MYOM2: variants seen among roughly 807,000 people sequenced by gnomAD.
MYOM2 encodes the protein myomesin 2.
In MYOM2, 254 loss-of-function variants were observed where a neutral mutation model predicts 187.6. The observed-to-expected ratio is 1.35, with a 90% CI of 1.22 to 1.50. The LOEUF is 1.50. MYOM2 is among the 40% of genes most tolerant of loss of function. The pLI, the probability that MYOM2 is intolerant of heterozygous loss-of-function variation, is 0.00. For missense variants in MYOM2, 2,796 were observed against 1,924.0 expected, an observed-to-expected ratio of 1.45 and a Z score of -8.48; for synonymous variants, 981 against 753.8, an observed-to-expected ratio of 1.30 and a Z score of -4.94.
At chr8:2,099,345 G>C (rs570989920) in intron 19 of MYOM2, among the ~76,000 whole-genome samples, 1 of 152,216 alleles carries the variant, frequency 6.6e-6, no homozygotes, top group Non-Finnish European at 1.5e-5. Flanking sequence ...AGCAGGCAGA[G>C]AGGGTCACAG....
In MYOM2 at chr8:2,064,153, C is replaced by T. The variant is rs138840567; in HGVS notation, c.653+4908C>T. Among the ~76,000 whole-genome samples, 483 of 152,312 alleles carry T rather than the reference C, an allele frequency of 3.2e-3. 1 individual carries two copies. The highest frequency in any genetic ancestry group is 5.4e-3 in the Non-Finnish European group (369 of 68,026). On this transcript the variant is annotated intron_variant, in intron 6 of 36. Transcript: ENST00000262113. ...GTGGCCGCCCTTCCTCCTGCATCTG[C>T]TCCGTCGTCTGCCCAGGCCCCCTGC...
At chr8:2,131,040 C>T (rs1363643084) in intron 32 of MYOM2, among the ~76,000 whole-genome samples, 1 of 152,186 alleles carries the variant, frequency 6.6e-6, no homozygotes, top group African/African-American at 2.4e-5. Flanking sequence ...AAGGCCACCC[C>T]CCTCTTCAGC....
chr8:2,055,563 A>T (rs562560384), intron 3 of MYOM2, among the ~76,000 whole-genome samples: 2 of 152,284 alleles, frequency 1.3e-5, no homozygotes, highest in African/African-American at 4.8e-5. Context: ...CTAAGGAGAT[A>T]AATCCACATT....
In MYOM2 at chr8:2,116,233, G is replaced by A; in HGVS notation, c.3343G>A (p.Glu1115Lys). 6.2e-7 allele frequency: 1 copy of A among 1,612,110 alleles called. No homozygotes were observed. The highest frequency in any genetic ancestry group is 8.5e-7 in the Non-Finnish European group (1 of 1,179,006). The change falls in exon 27 of 37, where the codon GAA becomes AAA. Residue 1115 changes from glutamate to lysine, a missense_variant. By Grantham distance (56) the Glu-to-Lys change is moderately conservative. Transcript: ENST00000262113. ...GAATTTAGCATTCAAGACTGTGCTG[G>A]AAGAGGCTGAGTTTCAAAGGAAAGA... is the stretch of plus-strand genomic sequence containing the variant. ...LIGDAFKTVL[E>K]EAEFQRKEFL...
At chr8:2,109,923 C>T (rs1347934568) in intron 25 of MYOM2, among the ~76,000 whole-genome samples, 2 of 152,216 alleles carry the variant, frequency 1.3e-5, no homozygotes, top group African/African-American at 4.8e-5. Flanking sequence ...CCCCCACTGA[C>T]AGCTTCCCAT....
intron 31 of MYOM2, among the ~76,000 whole-genome samples, chr8:2,128,703 C>T (rs1797742240): frequency 6.6e-6 from 1 of 152,162 alleles, no homozygotes; most frequent in Non-Finnish European, 1.5e-5. Flanking sequence ...GAGGTGCTCC[C>T]ATCTGCTTGA....
chr8:2,076,117 T>G (rs905615760), intron 10 of MYOM2, 24 bp from the exon 11 acceptor site: 26 of 1,603,628 alleles, frequency 1.6e-5, no homozygotes, highest in Non-Finnish European at 2.1e-5. Flanking sequence ...GACAGGCGTG[T>G]GCCTTTTCTC....
Position 2,069,292 on chromosome 8 carries a change from A to G in MYOM2, c.668A>G (p.Asp223Gly). Residue 223 changes from aspartate (D) to glycine (G), a missense_variant, in exon 7 of 37, where the codon GAC becomes GGC. By Grantham distance (94) the Asp-to-Gly change is moderately conservative. Transcript: ENST00000262113. ...TLEINRADFD[D>G]TATYSAVATN... ...TTCTCTCCAAGGGCAGACTTTGACG[A>G]CACTGCGACATACTCAGCAGTGGCC... The G allele has an allele frequency of 6.2e-7, 1 of 1,612,056 alleles. No individual in the cohort carries two copies. Among genetic ancestry groups the G allele is most frequent in the Non-Finnish European group, 8.5e-7 (1 of 1,178,952 alleles).
chr8:2,142,176 G>A (rs1027277762), intron 34 of MYOM2, among the ~76,000 whole-genome samples, 199 bp from the exon 35 acceptor site: 2 of 152,138 alleles, frequency 1.3e-5, no homozygotes, highest in Non-Finnish European at 2.9e-5. Context: ...CTCAAAATGG[G>A]CAGTGGGAAC....
chr8:2,060,664 T>C (rs993053778), intron 6 of MYOM2, among the ~76,000 whole-genome samples: 3 of 152,210 alleles, frequency 2.0e-5, no homozygotes, highest in Admixed American at 2.0e-4. Flanking sequence ...TCAGAGGAGC[T>C]CAGGAGGGTG....
At position 2,085,405 on chromosome 8, in the gene MYOM2, C is replaced by G. The variant is rs73186735; in HGVS notation, c.1644+15C>G. On this transcript the variant is annotated intron_variant, in intron 14 of 36. Transcript: ENST00000262113. ...TCATTGAGAAGGTAAACTCCGGGCC[C>G]GTGTCCTGGAAAAGTAGATCTCTGC... 4 of 1,566,140 alleles carry G rather than the reference C, an allele frequency of 2.6e-6. No individual in the cohort carries two copies. Among genetic ancestry groups the G allele is most frequent in the Non-Finnish European group, 2.6e-6 (3 of 1,153,622 alleles).
At chr8:2,081,607 A>C (rs1563440088) in intron 13 of MYOM2, among the ~76,000 whole-genome samples, 1 of 152,200 alleles carries the variant, frequency 6.6e-6, no homozygotes, top group Non-Finnish European at 1.5e-5. Context: ...TCTGTGATGA[A>C]ATTTGCCTTC....
chr8:2,083,632 C>A (rs979553598), intron 13 of MYOM2, among the ~76,000 whole-genome samples: 1 of 152,180 alleles, frequency 6.6e-6, no homozygotes, highest in Non-Finnish European at 1.5e-5. Flanking sequence ...TGTTTTCCCT[C>A]GGCTCCCCTC....
At position 2,076,257 on chromosome 8, in the gene MYOM2, C is replaced by T; in HGVS notation, c.1237C>T (p.Pro413Ser). ...GCCGCCCAACACCACCACTGAGAGC[C>T]CCGTCATGGGCTATTTTGTGGACCG... ...WKPPNTTTESPVMGYFVDRCE... is the reference protein window; with the variant it reads ...WKPPNTTTESSVMGYFVDRCE... The change falls in exon 11 of 37, where the codon CCC (proline) becomes TCC (serine). Residue 413 changes from proline (P) to serine (S), a missense_variant. By Grantham distance (74) the Pro-to-Ser change is moderately conservative. Transcript: ENST00000262113. The T allele has an allele frequency of 6.2e-7, 1 of 1,613,782 alleles. No homozygotes were observed. Among genetic ancestry groups the T allele is most frequent in the Non-Finnish European group, 8.5e-7 (1 of 1,179,942 alleles).
intron 21 of MYOM2, among the ~76,000 whole-genome samples, chr8:2,104,113 T>A (rs558254983): frequency 5.3e-5 from 8 of 150,136 alleles, no homozygotes; most frequent in Non-Finnish European, 1.0e-4. Context: ...AGGGCATTTT[T>A]TAAATATTAC....
In MYOM2 at chr8:2,076,166, C is replaced by T; in HGVS notation, c.1146C>T (p.Ala382=). Residue 382 remains alanine (A), a synonymous_variant, in exon 11 of 37, where the codon GCC becomes GCT. Coordinates refer to ENST00000262113, the MANE Select transcript of MYOM2 (RefSeq NM_003970.4). ...ATGCTGACCCGCTGGTCACAGGGGC[C>T]CCCGGTGCACCCATGGACTTGCAGT... ...VRDADPLVTG[A]PGAPMDLQCH... The T allele has an allele frequency of 1.9e-6, 3 of 1,612,728 alleles. No individual in the cohort carries two copies. Among genetic ancestry groups the T allele is most frequent in the Middle Eastern group, 1.8e-4 (1 of 5,660 alleles).
intron 19 of MYOM2, chr8:2,100,585 G>T (rs1052056578): frequency 4.9e-6 from 2 of 404,768 alleles, no homozygotes; most frequent in Non-Finnish European, 9.1e-6. Flanking sequence ...CCCGCACACC[G>T]TTCCTCTCTG....
intron 6 of MYOM2, among the ~76,000 whole-genome samples, chr8:2,062,534 G>T (rs1306851307): frequency 6.6e-6 from 1 of 152,178 alleles, no homozygotes; most frequent in African/African-American, 2.4e-5. Context: ...CATCACAGCG[G>T]GGTAGGCCTG....
rs1796050932 is a variant in MYOM2, at chr8:2,086,368, T to TCA, written c.1644+978_1644+979insCA. Among the ~76,000 whole-genome samples the TCA allele has an allele frequency of 8.2e-4, 87 of 105,712 alleles. 30 individuals carry two copies. Among genetic ancestry groups the TCA allele is most frequent in the Non-Finnish European group, 1.1e-3 (59 of 52,348 alleles). 69.4% of individuals were successfully genotyped at this position (105,712 alleles called of 152,430 possible). On this transcript the variant is annotated intron_variant, in intron 14 of 36. Transcript: ENST00000262113. The stretch of plus-strand genomic sequence containing the variant: ...GTGATCTCTGCGTGGCCTCCCACTG[T>TCA]TGTGATCTCTGCGTGGCCTCCCACT...
Sources: allele counts gnomAD v4.1 joint callset (sites outside exome capture counted in the v4.1 genomes callset), GRCh38; gene constraint gnomAD v4.1.1; transcripts MANE v1.5; gene names NCBI Gene and HGNC (gene_info 2026-07-23, HGNC 2026-07-21).